The following GREB1 variants were observed in gnomAD, a reference collection of about 807,000 sequenced individuals.
GREB1 encodes the protein growth regulating estrogen receptor binding 1.
In GREB1, 106 loss-of-function variants were observed where a neutral mutation model predicts 200.7. That is an observed-to-expected ratio of 0.53 (90% CI 0.45 to 0.62). GREB1 has a LOEUF of 0.62. Ranked by LOEUF, GREB1 falls within the 20% of genes least tolerant of loss-of-function variation. The pLI, the probability that GREB1 is intolerant of heterozygous loss-of-function variation, is 0.00. For missense variants in GREB1, 2,243 were observed against 2,556.8 expected (o/e 0.88, Z 2.65); for synonymous variants, 1,132 against 1,092.4 (o/e 1.04, Z -0.72).
chr2:11,541,398 C>T (rs1486931668), intron 1 of GREB1, among the ~76,000 whole-genome samples: 1 of 151,840 alleles, frequency 6.6e-6, no homozygotes, highest in Non-Finnish European at 1.5e-5. Context: ...AGGCTCTGTG[C>T]ACAGGCGGGT....
intron 9 of GREB1, among the ~76,000 whole-genome samples, chr2:11,586,346 A>T (rs1259177502): frequency 2.6e-5 from 4 of 152,252 alleles, no homozygotes; most frequent in African/African-American, 9.6e-5. Context: ...TTTGACTATG[A>T]AATCTACTTT....
At chr2:11,550,086 G>A (rs939091217) in intron 1 of GREB1, among the ~76,000 whole-genome samples, 4 of 152,242 alleles carry the variant, frequency 2.6e-5, no homozygotes, top group African/African-American at 7.2e-5. Context: ...AGGTGAGGTG[G>A]CGGGCGCCTG....
At position 11,566,614 on chromosome 2, in the gene GREB1, A is replaced by G. The variant is rs374688876; in HGVS notation, c.412A>G (p.Lys138Glu). The change falls in exon 4 of 33, where the codon AAG becomes GAG. Residue 138 changes from lysine (K) to glutamate (E), a missense_variant. This residue lies in a region of GREB1 where 1,178 missense variants were observed against 1,387.4 expected (regional missense o/e 0.85). Coordinates refer to ENST00000381486, the MANE Select transcript of GREB1 (RefSeq NM_014668.4). The part of the protein sequence containing the change: ...PDHLLVCAVD[K>E]RFLPDDNGHN... Reference sequence around the variant, plus strand: ...CCATCTCCTGGTGTGCGCCGTTGACAAGAGGTTCTTGCCAGATGACAATGG... The same window carrying G: ...CCATCTCCTGGTGTGCGCCGTTGACGAGAGGTTCTTGCCAGATGACAATGG... The G allele has an allele frequency of 5.0e-6, 8 of 1,613,834 alleles. No individual in the cohort carries two copies. Among genetic ancestry groups the G allele is most frequent in the African/African-American group, 4.0e-5 (3 of 74,894 alleles).
rs542786452 is a variant in GREB1, at chr2:11,638,881, C to A, written c.5686+72C>A. ...GTCACCGGGTACCCTGAGGAGGGGA[C>A]CTTTGGTCCTAGTCCTTATTTGCCC... On this transcript the variant is annotated intron_variant, in intron 32 of 32. Coordinates refer to ENST00000381486, the MANE Select transcript of GREB1 (RefSeq NM_014668.4). 309 of 1,494,352 alleles carry A rather than the reference C, an allele frequency of 2.1e-4. 1 individual carries two copies. The African/African-American group carries it at 3.9e-3, about 19-fold the overall frequency. The allele number at this position is 1,494,352 out of a possible 1,614,324, so 92.6% of individuals were successfully genotyped here. A position where few individuals can be genotyped will look rare whatever the true frequency, so the allele number is the denominator to read the frequency against.
chr2:11,602,565 A>G, intron 17 of GREB1, 23 bp downstream of exon 17: 1 of 1,606,778 alleles, frequency 6.2e-7, no homozygotes, highest in Non-Finnish European at 8.5e-7. Context: ...CTTCTAAGTT[A>G]CTAGAAGTGC....
At chr2:11,528,277 G>A (rs1032402167) in intron 1 of GREB1, among the ~76,000 whole-genome samples, 39 of 152,214 alleles carry the variant, frequency 2.6e-4, no homozygotes, top group African/African-American at 8.2e-4. Context: ...TTATGTGAAA[G>A]CTCATTTGTG....
upstream of GREB1, among the ~76,000 whole-genome samples, chr2:11,530,955 T>C (rs1423913630): frequency 1.3e-5 from 2 of 152,180 alleles, no homozygotes; most frequent in Admixed American, 1.3e-4. Flanking sequence ...CGGCTCTCTC[T>C]GGCCAGAGAA....
chr2:11,566,625 G>A lies in GREB1; in HGVS notation c.423G>A (p.Leu141=), dbSNP rs1677695323. 2 of 1,613,762 alleles carry A rather than the reference G, an allele frequency of 1.2e-6. No homozygotes were observed. The highest frequency in any genetic ancestry group is 1.7e-6 in the Non-Finnish European group (2 of 1,179,840). Residue 141 remains leucine, a synonymous_variant, in exon 4 of 33, where the codon TTG becomes TTA. Coordinates refer to ENST00000381486, the MANE Select transcript of GREB1 (RefSeq NM_014668.4). ...TGTGCGCCGTTGACAAGAGGTTCTTGCCAGATGACAATGGCCACAATGCTC... is the reference window on the plus strand; with the variant it reads ...TGTGCGCCGTTGACAAGAGGTTCTTACCAGATGACAATGGCCACAATGCTC... ...LLVCAVDKRF[L]PDDNGHNALL...
intron 28 of GREB1, 81 bp from the exon 29 acceptor site, chr2:11,634,050 C>T (rs1043601933): frequency 2.2e-5 from 29 of 1,301,012 alleles, no homozygotes; most frequent in African/African-American, 5.8e-5. Flanking sequence ...GTCTGAGAGC[C>T]GGTGCCACAC....
chr2:11,533,438 G>A (rs1674149372), upstream of GREB1, among the ~76,000 whole-genome samples: 1 of 152,204 alleles, frequency 6.6e-6, no homozygotes, highest in African/African-American at 2.4e-5. Flanking sequence ...TGGAGCTCAG[G>A]GAGTGAGGGA....
intron 1 of GREB1, among the ~76,000 whole-genome samples, chr2:11,497,202 T>A (rs933598018): frequency 6.6e-6 from 1 of 152,258 alleles, no homozygotes; most frequent in Non-Finnish European, 1.5e-5. Context: ...ATCATATAGA[T>A]GGAATTATAT....
At chr2:11,486,731 G>A (rs1410864510) in intron 1 of GREB1, among the ~76,000 whole-genome samples, 1 of 151,848 alleles carries the variant, frequency 6.6e-6, no homozygotes, top group Non-Finnish European at 1.5e-5. Context: ...AGCCAGGCGT[G>A]GTGGTGTGTG....
Position 11,632,080 on chromosome 2 carries a change from G to A in GREB1, c.4783G>A (p.Val1595Met). Residue 1595 changes from valine to methionine, a missense_variant, in exon 27 of 33, where the codon GTG becomes ATG. Physicochemically the swap from Val to Met is conservative, Grantham distance 21. This residue lies in a region of GREB1 where 478 missense variants were observed against 616.3 expected (regional missense o/e 0.78). Coordinates refer to ENST00000381486, the MANE Select transcript of GREB1 (RefSeq NM_014668.4). ...KKYWPNHIMLVLPSIFNSAGV... is the reference protein window; with the variant it reads ...KKYWPNHIMLMLPSIFNSAGV... ...ATATTGGCCCAACCACATCATGCTGGTGCTCCCCAGTATCTTCAACAGTGC... is the reference window on the plus strand; with the variant it reads ...ATATTGGCCCAACCACATCATGCTGATGCTCCCCAGTATCTTCAACAGTGC... 1 of 1,613,894 alleles carries A rather than the reference G, an allele frequency of 6.2e-7. No homozygotes were observed. The highest frequency in any genetic ancestry group is 8.5e-7 in the Non-Finnish European group (1 of 1,179,890).
intron 1 of GREB1, among the ~76,000 whole-genome samples, chr2:11,551,426 T>A (rs1411497197): frequency 6.6e-6 from 1 of 152,204 alleles, no homozygotes; most frequent in Non-Finnish European, 1.5e-5. Flanking sequence ...TTTATCCTAA[T>A]CATTTCTGTC....
chr2:11,568,038 G>A (rs1441233813), intron 4 of GREB1, among the ~76,000 whole-genome samples: 1 of 152,198 alleles, frequency 6.6e-6, no homozygotes, highest in African/African-American at 2.4e-5. Flanking sequence ...GGCAGGATTG[G>A]TAATAATCCA....
At chr2:11,617,931 G>A (rs577323866) in intron 21 of GREB1, among the ~76,000 whole-genome samples, 1 of 152,274 alleles carries the variant, frequency 6.6e-6, no homozygotes, top group South Asian at 2.1e-4. Flanking sequence ...TGCCCCCGAT[G>A]GAGTCAGCAC....
Position 11,595,279 on chromosome 2 carries a change from G to A in GREB1, c.1725G>A (p.Glu575=). The A allele has an allele frequency of 6.2e-7, 1 of 1,613,746 alleles. No homozygotes were observed. Among genetic ancestry groups the A allele is most frequent in the Non-Finnish European group, 8.5e-7 (1 of 1,179,728 alleles). Residue 575 remains glutamate (E), a synonymous_variant, in exon 12 of 33, where the codon GAG becomes GAA. Coordinates refer to ENST00000381486, the MANE Select transcript of GREB1 (RefSeq NM_014668.4). ...AATACCAAGCCCGGATTCTTTCCGA[G>A]AGCCTTCTCACTCCTGCGGAGTACC... is the stretch of plus-strand genomic sequence containing the variant. ...TGKYQARILS[E]SLLTPAEYQK...
chr2:11,596,119 A>G lies in GREB1; in HGVS notation c.1834A>G (p.Ile612Val), dbSNP rs1435176979. ...FFSTLCPEGDIDILLDKFHQE... is the reference protein window; with the variant it reads ...FFSTLCPEGDVDILLDKFHQE... Reference sequence around the variant, plus strand: ...TATTCTGTCTTGGGCAGAGGGTGACATTGACATTTTGCTGGACAAATTTCA... The same window carrying G: ...TATTCTGTCTTGGGCAGAGGGTGACGTTGACATTTTGCTGGACAAATTTCA... Residue 612 changes from isoleucine (I) to valine (V), a missense_variant, in exon 13 of 33, where the codon ATT (isoleucine) becomes GTT (valine). By Grantham distance (29) the Ile-to-Val change is conservative (BLOSUM62 3). Coordinates refer to ENST00000381486, the MANE Select transcript of GREB1 (RefSeq NM_014668.4). 3 of 1,613,290 alleles carry G rather than the reference A, an allele frequency of 1.9e-6. No individual in the cohort carries two copies. Among genetic ancestry groups the G allele is most frequent in the East Asian group, 4.5e-5 (2 of 44,886 alleles).
At chr2:11,587,762 C>G in intron 9 of GREB1, 1 of 1,156,002 alleles carries the variant, frequency 8.7e-7, no homozygotes, top group Non-Finnish European at 1.1e-6. Flanking sequence ...GGGAGCTCAG[C>G]AGCCCCGAGA....
Sources: gnomAD v4.1 joint callset for allele counts (sites outside exome capture counted in the v4.1 genomes callset) on GRCh38, gnomAD v4.1.1 for gene constraint, gnomAD v4.1.1 regional missense constraint, MANE v1.5 for transcripts, NCBI Gene and HGNC (gene_info 2026-07-23, HGNC 2026-07-21) for gene names.